The following KIR2DL3 variants were observed in gnomAD, a reference collection of about 807,000 sequenced individuals.
KIR2DL3 encodes killer cell immunoglobulin-like receptor 2DL3.
KIR2DL3 carries 39 observed loss-of-function variants against 33.8 expected under a neutral mutation model. The observed-to-expected ratio is 1.15, with a 90% CI of 0.89 to 1.51. The LOEUF (loss-of-function observed/expected upper bound fraction) is 1.51, where lower values mean the gene tolerates loss of function less well. KIR2DL3 is among the 40% of genes most tolerant of loss of function. The pLI is 0.00. For synonymous variants in KIR2DL3, 174 were observed against 160.2 expected (o/e 1.09, Z -0.65); for missense variants, 462 against 426.2 (o/e 1.08, Z -0.74).
chr19:54,741,644 A>C (rs537581597), intron 2 of KIR2DL3, among the ~76,000 whole-genome samples: 9 of 151,998 alleles, frequency 5.9e-5, no homozygotes, highest in African/African-American at 1.2e-4. Flanking sequence ...AACCAGGCTG[A>C]TAAGAGCCTG....
chr19:54,745,545 G>T (rs1402751384), intron 4 of KIR2DL3, among the ~76,000 whole-genome samples: 1 of 150,344 alleles, frequency 6.7e-6, no homozygotes, highest in Non-Finnish European at 1.5e-5. Flanking sequence ...GTTTTTTTTA[G>T]TATAGATGGG....
intron 4 of KIR2DL3, among the ~76,000 whole-genome samples, 188 bp downstream of exon 4, chr19:54,744,276 G>T (rs2071826206): frequency 6.6e-6 from 1 of 152,108 alleles, no homozygotes; most frequent in African/African-American, 2.4e-5. Context: ...CTGCATGAAG[G>T]CCCGCGGCCA....
In KIR2DL3 at chr19:54,743,960, G is replaced by A. The variant is rs1313612026; in HGVS notation, c.536G>A (p.Gly179Glu). 13 of 1,614,226 alleles carry A rather than the reference G, an allele frequency of 8.1e-6. No homozygotes were observed. Among genetic ancestry groups the A allele is most frequent in the Non-Finnish European group, 1.0e-5 (12 of 1,180,048 alleles). Reference sequence around the variant, plus strand: ...TTCTCTGCAGGGCCCAAGGTCAACGGAACATTCCAGGCCGACTTTCCTCTG... The same window carrying A: ...TTCTCTGCAGGGCCCAAGGTCAACGAAACATTCCAGGCCGACTTTCCTCTG... ...RRFSAGPKVN[G>E]TFQADFPLGP... The change falls in exon 4 of 8, where the codon GGA becomes GAA. Residue 179 changes from glycine (G) to glutamate (E), a missense_variant. Gly to Glu is a moderately conservative substitution (Grantham distance 98). Coordinates refer to ENST00000342376, the MANE Select transcript of KIR2DL3 (RefSeq NM_015868.3).
At chr19:54,739,067 T>G (rs1205290222) in intron 1 of KIR2DL3, among the ~76,000 whole-genome samples, 1 of 133,532 alleles carries the variant, frequency 7.5e-6, no homozygotes, top group African/African-American at 2.9e-5. Context: ...GGCCTAGAGG[T>G]GGATATCTGG....
intron 4 of KIR2DL3, among the ~76,000 whole-genome samples, chr19:54,747,108 T>C (rs1162295815): frequency 3.7e-3 from 500 of 136,098 alleles, no homozygotes; most frequent in Middle Eastern, 0.016. Context: ...TACAGCTCTG[T>C]AACATATTTT....
intron 4 of KIR2DL3, among the ~76,000 whole-genome samples, chr19:54,745,493 G>T (rs1309477935): frequency 2.0e-5 from 3 of 151,864 alleles, no homozygotes; most frequent in Non-Finnish European, 4.4e-5. Flanking sequence ...CTCCCTAGTA[G>T]CTGGGATTAC....
In KIR2DL3 at chr19:54,739,460, C is replaced by T. The variant is rs630832; in HGVS notation, c.35-47C>T. The T allele has an allele frequency of 2.7e-5, 43 of 1,605,618 alleles. No homozygotes were observed. In the Admixed American group the frequency reaches 7.0e-4, roughly 26 times the overall value. ...AGCCCAGTGGGGGCAGCAAGGGAGG[C>T]CTGGTTTGCCTGCAGATGGATGGTC... is the stretch of plus-strand genomic sequence containing the variant. On this transcript the variant is annotated intron_variant, in intron 1 of 7. Transcript: ENST00000342376.
intron 2 of KIR2DL3, 77 bp downstream of exon 2, chr19:54,739,619 C>A: frequency 6.4e-7 from 1 of 1,572,062 alleles, no homozygotes; most frequent in Non-Finnish European, 8.7e-7. Context: ...GAAGTCCTGT[C>A]GGGGAGTCTC....
At chr19:54,739,254 G>T (rs1307367072) in intron 1 of KIR2DL3, among the ~76,000 whole-genome samples, 5 of 98,492 alleles carry the variant, frequency 5.1e-5, no homozygotes, top group African/African-American at 1.7e-4. Context: ...ATCTGAGCCT[G>T]GATTGGCGAT....
chr19:54,742,103 A>G lies in KIR2DL3; in HGVS notation c.194A>G (p.Lys65Arg). 2 of 1,613,154 alleles carry G rather than the reference A, an allele frequency of 1.2e-6. No individual in the cohort carries two copies. Among genetic ancestry groups the G allele is most frequent in the Non-Finnish European group, 1.7e-6 (2 of 1,179,686 alleles). ...FQHFLLHREG[K>R]FKDTLHLIGE... is the part of the protein sequence containing the mutation. ...CACTTCCTTCTGCACAGAGAAGGGAAGTTTAAGGACACTTTGCACCTCATT... is the reference window on the plus strand; with the variant it reads ...CACTTCCTTCTGCACAGAGAAGGGAGGTTTAAGGACACTTTGCACCTCATT... Residue 65 changes from lysine (K) to arginine (R), a missense_variant, in exon 3 of 8, where the codon AAG becomes AGG. Physicochemically the swap from Lys to Arg is conservative, Grantham distance 26 (BLOSUM62 2). Transcript: ENST00000342376.
chr19:54,746,960 T>C (rs10411901), intron 4 of KIR2DL3, among the ~76,000 whole-genome samples: 40,440 of 142,598 alleles, frequency 0.28, 6,522 homozygotes, highest in Middle Eastern at 0.35. Context: ...CCAGCCTGGG[T>C]GACAGAGCGA....
chr19:54,744,886 A>G (rs77542801), intron 4 of KIR2DL3, among the ~76,000 whole-genome samples: 5,133 of 67,188 alleles, frequency 0.076, 181 homozygotes, highest in Middle Eastern at 0.12. Context: ...ATATATATAT[A>G]TATATATATA....
intron 4 of KIR2DL3, among the ~76,000 whole-genome samples, chr19:54,746,464 CT>C (rs1332484454): frequency 4.3e-4 from 64 of 147,904 alleles, no homozygotes; most frequent in African/African-American, 1.5e-3. Context: ...AAATGTCTTC[CT>C]TCAGACAAAT....
chr19:54,744,279 C>T (rs1486433980), intron 4 of KIR2DL3, among the ~76,000 whole-genome samples, 191 bp downstream of exon 4: 22 of 152,044 alleles, frequency 1.4e-4, no homozygotes, highest in East Asian at 5.8e-4. Context: ...CATGAAGGCC[C>T]GCGGCCAGGG....
At chr19:54,740,585 C>T (rs2070858982) in intron 2 of KIR2DL3, among the ~76,000 whole-genome samples, 1 of 151,540 alleles carries the variant, frequency 6.6e-6, no homozygotes, top group African/African-American at 2.4e-5. Context: ...TCTCCTTGTC[C>T]CACCTCCTGA....
intron 1 of KIR2DL3, 50 bp from the exon 2 acceptor site, chr19:54,739,457 A>C: frequency 6.3e-7 from 1 of 1,599,166 alleles, no homozygotes; most frequent in Non-Finnish European, 8.6e-7. Context: ...GCAGCAAGGG[A>C]GGCCTGGTTT....
intron 5 of KIR2DL3, among the ~76,000 whole-genome samples, chr19:54,751,323 G>T (rs557372829): frequency 7.8e-6 from 1 of 127,706 alleles, no homozygotes; most frequent in Non-Finnish European, 1.7e-5. Flanking sequence ...GTCTCCTTGG[G>T]ACAGCATTGG....
Position 54,742,282 on chromosome 19 carries a change from G to A in KIR2DL3, c.370+3G>A, listed in dbSNP as rs2071315487. On this transcript the variant is annotated splice_donor_region_variant and intron_variant, in intron 3 of 7. Coordinates refer to ENST00000342376, the MANE Select transcript of KIR2DL3 (RefSeq NM_015868.3). ...CCCTCTGGACATCGTCATCACAGGT[G>A]AGAGTGTCCGGACATTCTCATTGTC... 2 of 1,613,352 alleles carry A rather than the reference G, an allele frequency of 1.2e-6. No homozygotes were observed. The highest frequency in any genetic ancestry group is 2.7e-5 in the African/African-American group (2 of 74,986).
intron 3 of KIR2DL3, among the ~76,000 whole-genome samples, chr19:54,742,868 A>G (rs1230029797): frequency 6.6e-6 from 1 of 151,478 alleles, no homozygotes. Flanking sequence ...ATATGAAAGG[A>G]TCACTGAGAG....
Sources: gnomAD v4.1 joint callset for allele counts (sites outside exome capture counted in the v4.1 genomes callset) on GRCh38, gnomAD v4.1.1 for gene constraint, MANE v1.5 for transcripts, NCBI Gene and HGNC (gene_info 2026-07-23, HGNC 2026-07-21) for gene names.